The following FBN3 variants were observed in gnomAD, a reference collection of about 807,000 sequenced individuals.
FBN3 encodes the protein fibrillin 3, also known as fibrillin-3.
In FBN3, 234 loss-of-function variants were observed where a neutral mutation model predicts 330.1. The observed-to-expected ratio is 0.71, with a 90% CI of 0.64 to 0.79. FBN3 has a LOEUF of 0.79. FBN3 is among the 30% of genes least tolerant of loss of function. FBN3 has a pLI of 0.00. For synonymous variants in FBN3, 1,458 were observed against 1,517.3 expected (o/e 0.96, Z 0.91); for missense variants, 3,606 against 3,886.9 (o/e 0.93, Z 1.92).
intron 2 of FBN3, 57 bp from the exon 3 acceptor site, chr19:8,147,243 G>C: frequency 6.4e-7 from 1 of 1,558,468 alleles, no homozygotes; most frequent in Admixed American, 1.9e-5. Context: ...CATCCCCCCG[G>C]GTATTCCGCT....
intron 13 of FBN3, 25 bp downstream of exon 13, chr19:8,135,936 G>GGGGGGGGGGGGGGGCGCCCCCCCC: frequency 4.5e-6 from 3 of 668,776 alleles, no homozygotes; most frequent in Non-Finnish European, 7.2e-6. Flanking sequence ...GGAAGCCCCT[G>GGGGGGGGGGGGGGGCGCCCCCCCC]CCCACCCGCC....
chr19:8,083,769 C>T (rs1218632969), intron 56 of FBN3, among the ~76,000 whole-genome samples: 2 of 151,226 alleles, frequency 1.3e-5, no homozygotes, highest in Non-Finnish European at 3.0e-5. Flanking sequence ...GCCACACCCC[C>T]AAAAAGCCAT....
Position 8,116,747 on chromosome 19 carries a change from G to A in FBN3, c.3639C>T (p.Thr1213=), listed in dbSNP as rs970110268. 5.0e-6 allele frequency: 8 copies of A among 1,613,934 alleles called. No individual in the cohort carries two copies. In the South Asian group the frequency reaches 6.6e-5, roughly 13 times the overall value. ...NPRVCDQGHC[T]NMPGGHRCLC... is the part of the protein sequence containing the mutation. ...GGCAGCGGTGACCCCCTGGCATGTT[G>A]GTGCAGTGGCCTTGGTCACAAACGC... The change falls in exon 29 of 64, where the codon ACC becomes ACT. Residue 1213 remains threonine (T), a synonymous_variant. Coordinates refer to ENST00000600128, the MANE Select transcript of FBN3 (RefSeq NM_032447.5).
intron 61 of FBN3, 62 bp from the exon 62 acceptor site, chr19:8,073,359 C>A: frequency 7.5e-7 from 1 of 1,333,088 alleles, no homozygotes; most frequent in Non-Finnish European, 1.0e-6. Flanking sequence ...GCCTTCACAC[C>A]CCCAGAGCCC....
intron 51 of FBN3, among the ~76,000 whole-genome samples, chr19:8,089,341 G>T (rs930416866): frequency 6.6e-6 from 1 of 152,216 alleles, no homozygotes; most frequent in African/African-American, 2.4e-5. Context: ...AAGTGAGTGA[G>T]TGAATGAATG....
chr19:8,134,625 G>A (rs1426949708), intron 13 of FBN3, among the ~76,000 whole-genome samples: 2 of 152,086 alleles, frequency 1.3e-5, no homozygotes, highest in Non-Finnish European at 2.9e-5. Flanking sequence ...AACACAGTGA[G>A]ACCCAATCAC....
rs113013699 is a variant in FBN3, at chr19:8,095,194, C to T, written c.5785+181G>A. On this transcript the variant is annotated intron_variant, in intron 46 of 63. Coordinates refer to ENST00000600128, the MANE Select transcript of FBN3 (RefSeq NM_032447.5). Reference sequence around the variant, plus strand: ...CTATGTTGCCCAGGCTAGTCTCAAACTCCTGGCCTCAAGCAATCCTTCTGC... The same window carrying T: ...CTATGTTGCCCAGGCTAGTCTCAAATTCCTGGCCTCAAGCAATCCTTCTGC... 3.5e-3 allele frequency among the ~76,000 whole-genome samples: 533 copies of T among 152,194 alleles called. 3 individuals are homozygous for T. Among genetic ancestry groups the T allele is most frequent in the African/African-American group, 0.012 (493 of 41,534 alleles).
intron 63 of FBN3, among the ~76,000 whole-genome samples, chr19:8,066,863 A>G (rs1279520874): frequency 6.6e-6 from 1 of 152,098 alleles, no homozygotes; most frequent in East Asian, 1.9e-4. Flanking sequence ...TGGGCAACAG[A>G]GGAAGACTGT....
chr19:8,136,359 G>GC (rs71165277), intron 11 of FBN3, 29 bp downstream of exon 11: 146,773 of 1,608,524 alleles, frequency 0.091, 7,813 homozygotes, highest in African/African-American at 0.2. Flanking sequence ...AGTGAGAACC[G>GC]CCCCCCCTTC....
chr19:8,103,821 C>T, intron 38 of FBN3, 134 bp from the exon 39 acceptor site: 1 of 757,792 alleles, frequency 1.3e-6, no homozygotes. Flanking sequence ...TTAAAACGCA[C>T]ACACATCTTA....
intron 30 of FBN3, among the ~76,000 whole-genome samples, chr19:8,113,229 G>A (rs35101205): frequency 0.37 from 55,748 of 152,022 alleles, 11,301 homozygotes; most frequent in Middle Eastern, 0.49. Context: ...AGTTTGAGAC[G>A]AGGTTGGGCA....
chr19:8,097,521 C>T (rs2082237825), intron 41 of FBN3, 107 bp from the exon 42 acceptor site: 4 of 1,218,448 alleles, frequency 3.3e-6, no homozygotes, highest in Non-Finnish European at 4.4e-6. Context: ...CTGTTGTGGC[C>T]ACAAACCAGC....
chr19:8,135,936 G>GCCC, intron 13 of FBN3, 25 bp downstream of exon 13: 4 of 668,774 alleles, frequency 6.0e-6, no homozygotes, highest in Non-Finnish European at 9.6e-6. Context: ...GGAAGCCCCT[G>GCCC]CCCACCCGCC....
intron 40 of FBN3, among the ~76,000 whole-genome samples, chr19:8,102,033 C>T (rs535064369): frequency 1.3e-5 from 2 of 152,130 alleles, no homozygotes; most frequent in South Asian, 2.1e-4. Context: ...ATGCTATTCT[C>T]GTGATAGTGA....
intron 24 of FBN3, among the ~76,000 whole-genome samples, chr19:8,123,180 A>C (rs12104255): frequency 0.41 from 61,322 of 151,368 alleles, 13,917 homozygotes; most frequent in African/African-American, 0.61. Context: ...ACGGAGAAAC[A>C]CTATCACTAC....
Position 8,109,502 on chromosome 19 carries a change from C to T in FBN3, c.4457-114G>A. The T allele has an allele frequency of 6.5e-7, 1 of 1,534,232 alleles. No individual in the cohort carries two copies. ...CAAGGACAACCACTCTTGCAGGAGA[C>T]CAGCAGATGTCCCGTTTGTCAGGAG... On this transcript the variant is annotated intron_variant, in intron 35 of 63. Transcript: ENST00000600128. The surrounding 1 kb of genome is among the most constrained non-coding windows in gnomAD (Gnocchi z 5.2).
At chr19:8,081,185 G>T in intron 58 of FBN3, 66 bp from the exon 59 acceptor site, 1 of 1,519,596 alleles carries the variant, frequency 6.6e-7, no homozygotes, top group Non-Finnish European at 9.1e-7. Context: ...CTTCCCAGGG[G>T]CTGCCCTTGC....
chr19:8,128,320 T>C (rs1240012740), intron 18 of FBN3, among the ~76,000 whole-genome samples: 1 of 151,934 alleles, frequency 6.6e-6, no homozygotes. Flanking sequence ...TCCCAGCACT[T>C]TGGGAGGCTG....
At chr19:8,107,773 T>G in intron 37 of FBN3, among the ~76,000 whole-genome samples, 1 of 149,010 alleles carries the variant, frequency 6.7e-6, no homozygotes, top group African/African-American at 2.5e-5. Flanking sequence ...TGGAAGGATG[T>G]ATGGATGTAC....
Sources: gnomAD v4.1 joint callset for allele counts (sites outside exome capture counted in the v4.1 genomes callset) on GRCh38, gnomAD v4.1.1 for gene constraint, Gnocchi (gnomAD v3.1) non-coding constraint, MANE v1.5 for transcripts, NCBI Gene and HGNC (gene_info 2026-07-23, HGNC 2026-07-21) for gene names.